ADAMTSL1: variants seen among roughly 807,000 people sequenced by gnomAD.
ADAMTSL1 encodes the protein ADAMTS-like protein 1.
Under a neutral mutation model 201.8 loss-of-function variants are expected in ADAMTSL1, and 126 were observed. The observed-to-expected ratio is 0.62, with a 90% CI of 0.54 to 0.72. ADAMTSL1 has a LOEUF of 0.72. ADAMTSL1 is among the 30% of genes least tolerant of loss of function. The pLI, the probability that ADAMTSL1 is intolerant of heterozygous loss-of-function variation, is 0.00. For synonymous variants in ADAMTSL1, 1,121 were observed against 903.4 expected, an observed-to-expected ratio of 1.24 and a Z score of -4.32; for missense variants, 2,679 against 2,277.8, an observed-to-expected ratio of 1.18 and a Z score of -3.59.
chr9:18,306,284 C>T (rs1443428073), intron 2 of ADAMTSL1, among the ~76,000 whole-genome samples: 1 of 152,146 alleles, frequency 6.6e-6, no homozygotes, highest in East Asian at 1.9e-4. Context: ...AATGCTTCTT[C>T]TCCTCCAAAG....
rs1820491121 is a variant in ADAMTSL1 at position 18,453,483 on chromosome 9, G to C, written c.208-51346G>C. ...CACCCTTGGTTTGTCATCTGAACAT[G>C]CTTTTTTAATTTTTTTCAGGGCCAG... On this transcript the variant is annotated intron_variant, in intron 2 of 29. Coordinates refer to the ADAMTSL1 transcript ENST00000680146. Among the ~76,000 whole-genome samples the C allele has an allele frequency of 2.6e-5, 4 of 152,154 alleles. No homozygotes were observed. The South Asian group carries it at 8.3e-4, about 32-fold the overall frequency.
chr9:18,580,679 A>G (rs989946955), intron 4 of ADAMTSL1, among the ~76,000 whole-genome samples: 21 of 152,200 alleles, frequency 1.4e-4, no homozygotes, highest in African/African-American at 4.6e-4. Context: ...ATCTCTTTCC[A>G]TAGGAGTGAT....
At chr9:18,522,686 C>A (rs1010503518) in intron 2 of ADAMTSL1, among the ~76,000 whole-genome samples, 2 of 149,256 alleles carry the variant, frequency 1.3e-5, no homozygotes, top group Non-Finnish European at 3.0e-5. Flanking sequence ...TGAGAACATG[C>A]GATGTTTGTT....
chr9:18,248,571 A>G (rs1176169020), intron 2 of ADAMTSL1, among the ~76,000 whole-genome samples: 1 of 152,214 alleles, frequency 6.6e-6, no homozygotes, highest in Non-Finnish European at 1.5e-5. Context: ...AAACTCTTCA[A>G]CCAAAGCAAT....
At chr9:17,984,690 A>C (rs1418667796) in intron 1 of ADAMTSL1, among the ~76,000 whole-genome samples, 1 of 152,164 alleles carries the variant, frequency 6.6e-6, no homozygotes, top group East Asian at 1.9e-4. Flanking sequence ...ACCTTACGAA[A>C]GGATCCTAGG....
In ADAMTSL1 at chr9:17,936,584, G is replaced by A. The variant is rs144016434; in HGVS notation, c.87+29662G>A. ...ATCTGTGAATGTGGGCAGGGCTGCC[G>A]CTCAGGCCATAAATACCTGCTGGAT... On this transcript the variant is annotated intron_variant, in intron 1 of 29. Coordinates refer to the ADAMTSL1 transcript ENST00000680146. Among the ~76,000 whole-genome samples the A allele has an allele frequency of 4.4e-3, 668 of 152,252 alleles. 5 individuals are homozygous for A. The highest frequency in any genetic ancestry group is 0.015 in the African/African-American group (635 of 41,554).
At chr9:18,619,446 T>C (rs1183842813) in intron 4 of ADAMTSL1, among the ~76,000 whole-genome samples, 1 of 152,022 alleles carries the variant, frequency 6.6e-6, no homozygotes, top group Admixed American at 6.6e-5. Context: ...GAGATGTTAG[T>C]CTTTTAAATT....
intron 1 of ADAMTSL1, among the ~76,000 whole-genome samples, chr9:18,027,232 A>T (rs1820739788): frequency 1.4e-5 from 2 of 147,778 alleles, no homozygotes; most frequent in African/African-American, 2.5e-5. Flanking sequence ...CTCTAGTTTT[A>T]GTCATTTCCT....
intron 9 of ADAMTSL1, 147 bp downstream of exon 9, chr9:18,662,220 GT>G: frequency 9.1e-7 from 1 of 1,100,534 alleles, no homozygotes; most frequent in Non-Finnish European, 1.3e-6. Flanking sequence ...CTAATCACGT[GT>G]TATTAGTACC....
intron 1 of ADAMTSL1, among the ~76,000 whole-genome samples, chr9:18,145,743 T>G (rs1292768964): frequency 6.6e-6 from 1 of 152,148 alleles, no homozygotes; most frequent in African/African-American, 2.4e-5. Context: ...GAAAGAAAAT[T>G]TATAAGCTAA....
Position 18,680,466 on chromosome 9 carries a change from C to T in ADAMTSL1, c.1291C>T (p.Pro431Ser). Residue 431 changes from proline to serine, a missense_variant, in exon 11 of 29, where the codon CCC becomes TCC. Coordinates refer to ENST00000380548, the MANE Select transcript of ADAMTSL1 (RefSeq NM_001040272.6). ...MYTPKMPIAQ[P>S]CNIFDCPKWL... is the part of the protein sequence containing the mutation. ...CACCCCTAAGATGCCCATCGCGCAG[C>T]CCTGCAACATTTTTGACTGCCCTAA... The T allele has an allele frequency of 6.2e-7, 1 of 1,614,152 alleles. No homozygotes were observed. The highest frequency in any genetic ancestry group is 1.1e-5 in the South Asian group (1 of 91,078).
Position 18,437,349 on chromosome 9 carries a change from C to G in ADAMTSL1, c.208-67480C>G, listed in dbSNP as rs16936703. 8.7e-3 allele frequency among the ~76,000 whole-genome samples: 1,329 copies of G among 152,172 alleles called. 25 individuals carry two copies. The highest frequency in any genetic ancestry group is 0.07 in the South Asian group (339 of 4,814). ...TTGTATTCAATCCCTTTGCTCCATC[C>G]CCAGTGCTGCTAGTTTTGTTCAGAG... On this transcript the variant is annotated intron_variant, in intron 2 of 29. Coordinates refer to the ADAMTSL1 transcript ENST00000680146.
At chr9:18,201,056 C>T (rs554333702) in intron 2 of ADAMTSL1, among the ~76,000 whole-genome samples, 1 of 151,928 alleles carries the variant, frequency 6.6e-6, no homozygotes, top group African/African-American at 2.4e-5. Flanking sequence ...TGGAAAAATT[C>T]CTGATTGGGT....
At chr9:18,683,728 T>C (rs1265166903) in intron 12 of ADAMTSL1, among the ~76,000 whole-genome samples, 8 of 152,204 alleles carry the variant, frequency 5.3e-5, no homozygotes, top group Non-Finnish European at 8.8e-5. Flanking sequence ...AGTCAATTGT[T>C]TATTAGCTTT....
intron 21 of ADAMTSL1, among the ~76,000 whole-genome samples, chr9:18,819,158 A>G (rs1588162210): frequency 6.6e-6 from 1 of 152,274 alleles, no homozygotes; most frequent in East Asian, 1.9e-4. Flanking sequence ...TGGTAGGAGT[A>G]AAAGAATAGG....
intron 1 of ADAMTSL1, among the ~76,000 whole-genome samples, chr9:17,923,885 TG>T (rs1162254794): frequency 8.9e-6 from 1 of 112,526 alleles, no homozygotes; most frequent in Non-Finnish European, 1.8e-5. Context: ...GAGATAATCA[TG>T]TGGTTTTTGT....
chr9:18,290,606 C>T (rs1392664908), intron 2 of ADAMTSL1, among the ~76,000 whole-genome samples: 1 of 151,752 alleles, frequency 6.6e-6, no homozygotes, highest in Non-Finnish European at 1.5e-5. Context: ...CCCAAACCAA[C>T]ATCCATACTT....
chr9:18,524,574 G>T (rs1182311813), intron 2 of ADAMTSL1, among the ~76,000 whole-genome samples: 2 of 152,046 alleles, frequency 1.3e-5, no homozygotes, highest in Non-Finnish European at 2.9e-5. Flanking sequence ...ATTGGCTGTG[G>T]GTTTGTCATA....
chr9:18,593,707 G>C (rs1305829015), intron 4 of ADAMTSL1, among the ~76,000 whole-genome samples: 1 of 151,814 alleles, frequency 6.6e-6, no homozygotes, highest in Non-Finnish European at 1.5e-5. Context: ...CCATGTGTTT[G>C]TATAGTTTCC....
Sources: allele counts gnomAD v4.1 joint callset (sites outside exome capture counted in the v4.1 genomes callset), GRCh38; gene constraint gnomAD v4.1.1; transcripts MANE v1.5; gene names NCBI Gene and HGNC (gene_info 2026-07-23, HGNC 2026-07-21).